Variants in IFT81 observed in about 807,000 individuals in gnomAD.
IFT81 encodes intraflagellar transport protein 81 homolog.
Under a neutral mutation model 102.6 loss-of-function variants are expected in IFT81, and 72 were observed. The observed-to-expected ratio is 0.70, with a 90% CI of 0.58 to 0.85. IFT81 has a LOEUF of 0.85. Among genes scored for constraint, IFT81 ranks in the 40% least tolerant of loss-of-function variants. The probability of loss-of-function intolerance (pLI) is 0.00; values close to 1 mark genes in which losing one functional copy is unlikely to be tolerated. For missense variants in IFT81, 723 were observed against 787.3 expected (o/e 0.92, Z 0.98); for synonymous variants, 237 against 242.7 (o/e 0.98, Z 0.22).
At chr12:110,182,303 T>C (rs929398817) in intron 12 of IFT81, among the ~76,000 whole-genome samples, 27 of 152,172 alleles carry the variant, frequency 1.8e-4, no homozygotes, top group African/African-American at 5.3e-4. Flanking sequence ...GGAAAACTTA[T>C]AGGAGAAAGA....
intron 10 of IFT81, among the ~76,000 whole-genome samples, chr12:110,156,124 A>G (rs886371964): frequency 6.6e-6 from 1 of 152,234 alleles, no homozygotes; most frequent in Non-Finnish European, 1.5e-5. Flanking sequence ...TAAATGTGTT[A>G]ATCTCTTAAA....
intron 12 of IFT81, among the ~76,000 whole-genome samples, chr12:110,185,481 C>T (rs1038402936): frequency 4.6e-5 from 7 of 151,812 alleles, no homozygotes; most frequent in Middle Eastern, 3.4e-3. Context: ...TGAGCCACTG[C>T]ACCCAGCCAG....
chr12:110,205,063 G>C, intron 15 of IFT81: 1 of 155,670 alleles, frequency 6.4e-6, no homozygotes, highest in Non-Finnish European at 1.4e-5. Flanking sequence ...GTGAAACCCT[G>C]TCTCTACTAA....
chr12:110,215,991 A>G (rs1870067574), intron 18 of IFT81, among the ~76,000 whole-genome samples: 1 of 152,128 alleles, frequency 6.6e-6, no homozygotes, highest in African/African-American at 2.4e-5. Context: ...ATACAATTTG[A>G]TTTATTTGGA....
intron 15 of IFT81, 34 bp from the exon 16 acceptor site, chr12:110,205,409 G>T: frequency 6.4e-7 from 1 of 1,554,434 alleles, no homozygotes; most frequent in South Asian, 1.2e-5. Context: ...TCATTCTTTC[G>T]ATAATGTCAC....
At chr12:110,162,350 T>C (rs1331880009) in intron 10 of IFT81, 1 of 148,350 alleles carries the variant, frequency 6.7e-6, no homozygotes, top group Non-Finnish European at 1.5e-5. Context: ...TTTTTTTTTT[T>C]TTCTGAGACA....
intron 13 of IFT81, 118 bp downstream of exon 13, chr12:110,191,166 A>AGC: frequency 1.1e-6 from 1 of 871,702 alleles, no homozygotes. Flanking sequence ...ACATTCTTTC[A>AGC]TCTTTTTTTT....
At chr12:110,141,005 G>A (rs1894855314) in intron 8 of IFT81, among the ~76,000 whole-genome samples, 1 of 149,542 alleles carries the variant, frequency 6.7e-6, no homozygotes, top group African/African-American at 2.5e-5. Flanking sequence ...GGGATTACAG[G>A]CATGAGCCAC....
At chr12:110,156,543 A>T (rs1243883240) in intron 10 of IFT81, among the ~76,000 whole-genome samples, 2 of 150,792 alleles carry the variant, frequency 1.3e-5, no homozygotes, top group Non-Finnish European at 3.0e-5. Flanking sequence ...ATCGCCCAGG[A>T]TGGAATGCAG....
At chr12:110,130,823 CA>C in intron 4 of IFT81, among the ~76,000 whole-genome samples, 1 of 151,870 alleles carries the variant, frequency 6.6e-6, no homozygotes, top group East Asian at 1.9e-4. Flanking sequence ...GATATACACA[CA>C]CACAATGATT....
chr12:110,194,256 A>G (rs1218035194), intron 14 of IFT81, among the ~76,000 whole-genome samples: 3 of 152,220 alleles, frequency 2.0e-5, no homozygotes, highest in Non-Finnish European at 4.4e-5. Flanking sequence ...CCATATCAAC[A>G]ATGAAAGATG....
At position 110,132,643 on chromosome 12, in the gene IFT81, GA is replaced by G; in HGVS notation, c.519+10del. 1.4e-6 allele frequency: 2 copies of G among 1,449,610 alleles called. No homozygotes were observed. Among genetic ancestry groups the G allele is most frequent in the Middle Eastern group, 1.7e-4 (1 of 5,752 alleles). The allele number at this position is 1,449,610 out of a possible 1,614,324, so 89.8% of individuals were successfully genotyped here. On this transcript the variant is annotated splice_region_variant and intron_variant, in intron 5 of 18. Coordinates refer to ENST00000242591, the MANE Select transcript of IFT81 (RefSeq NM_014055.4). The stretch of plus-strand genomic sequence containing the variant: ...TACAGCAGAAATAAGAAAGGTAAAG[GA>G]AAGAAAACATAGTAACAATTTTTTT...
intron 4 of IFT81, among the ~76,000 whole-genome samples, 178 bp downstream of exon 4, chr12:110,129,308 C>A (rs1894032959): frequency 6.7e-6 from 1 of 149,590 alleles, no homozygotes; most frequent in African/African-American, 2.5e-5. Flanking sequence ...CTTTTGCACA[C>A]AAATACTGTT....
chr12:110,200,521 G>A (rs142040907), intron 14 of IFT81, among the ~76,000 whole-genome samples: 2 of 152,316 alleles, frequency 1.3e-5, no homozygotes, highest in Non-Finnish European at 2.9e-5. Context: ...TTGAGTCAAT[G>A]AGTGAGTGGT....
intron 12 of IFT81, 132 bp downstream of exon 12, chr12:110,180,703 C>A: frequency 1.7e-6 from 1 of 579,666 alleles, no homozygotes; most frequent in Non-Finnish European, 2.8e-6. Flanking sequence ...TAATTACAGA[C>A]ATGACATATA....
intron 13 of IFT81, among the ~76,000 whole-genome samples, chr12:110,191,622 A>C (rs1897801025): frequency 6.6e-6 from 1 of 152,144 alleles, no homozygotes; most frequent in African/African-American, 2.4e-5. Flanking sequence ...TTCCCAGGTC[A>C]TACCACCCTA....
chr12:110,162,908 T>C lies in IFT81; in HGVS notation c.1042-11T>C. 4.4e-6 allele frequency: 7 copies of C among 1,596,186 alleles called. No homozygotes were observed. The highest frequency in any genetic ancestry group is 6.0e-6 in the Non-Finnish European group (7 of 1,172,126). ...TATCTTATTATACCTTCATATTTAA[T>C]GCTCAATCAGGCATCTATCATTTCC... On this transcript the variant is annotated splice_polypyrimidine_tract_variant and intron_variant, in intron 10 of 18. Transcript: ENST00000242591.
At chr12:110,146,845 TAA>T in intron 9 of IFT81, 106 bp from the exon 10 acceptor site, 3 of 1,202,890 alleles carry the variant, frequency 2.5e-6, no homozygotes, top group Non-Finnish European at 2.2e-6. Flanking sequence ...ACCTTGTCTT[TAA>T]AAAAAAAGAA....
At chr12:110,200,979 T>G (rs1023672948) in intron 14 of IFT81, among the ~76,000 whole-genome samples, 1 of 151,996 alleles carries the variant, frequency 6.6e-6, no homozygotes, top group Non-Finnish European at 1.5e-5. Flanking sequence ...TTTTCTTACT[T>G]TATAAACTTC....
Sources: gnomAD v4.1 joint callset for allele counts (sites outside exome capture counted in the v4.1 genomes callset) on GRCh38, gnomAD v4.1.1 for gene constraint, MANE v1.5 for transcripts, NCBI Gene and HGNC (gene_info 2026-07-23, HGNC 2026-07-21) for gene names.